SPATA17: variants seen among roughly 807,000 people sequenced by gnomAD.
SPATA17 encodes spermatogenesis-associated protein 17.
In SPATA17, 53 loss-of-function variants were observed where a neutral mutation model predicts 62.2. The observed-to-expected ratio is 0.85, with a 90% CI of 0.68 to 1.07. The LOEUF (loss-of-function observed/expected upper bound fraction) is 1.07. SPATA17 is among the 50% of genes least tolerant of loss of function. SPATA17 has a pLI of 0.00. For synonymous variants in SPATA17, 146 were observed against 146.8 expected, an observed-to-expected ratio of 0.99 and a Z score of 0.04; for missense variants, 466 against 425.5, an observed-to-expected ratio of 1.10 and a Z score of -0.84.
intron 10 of SPATA17, among the ~76,000 whole-genome samples, chr1:217,864,089 T>C: frequency 6.6e-6 from 1 of 152,316 alleles, no homozygotes; most frequent in Middle Eastern, 3.4e-3. Flanking sequence ...AAATATGAAA[T>C]ATTCTGAGCT....
At chr1:217,741,946 A>G (rs1047456351) in intron 5 of SPATA17, 29 bp from the exon 6 acceptor site, 4 of 1,612,746 alleles carry the variant, frequency 2.5e-6, no homozygotes, top group South Asian at 2.2e-5. Flanking sequence ...ACATAGTATC[A>G]TAAATAACTG....
At chr1:217,641,314 A>G (rs956815473) in intron 1 of SPATA17, among the ~76,000 whole-genome samples, 2 of 152,124 alleles carry the variant, frequency 1.3e-5, no homozygotes, top group South Asian at 2.1e-4. Flanking sequence ...ACAAAATTCA[A>G]ACTCTCAATA....
intron 9 of SPATA17, among the ~76,000 whole-genome samples, chr1:217,858,615 C>T (rs754340564): frequency 6.6e-6 from 1 of 152,106 alleles, no homozygotes; most frequent in Admixed American, 6.6e-5. Context: ...TAAAATAAAG[C>T]TGGGCATGGT....
intron 4 of SPATA17, among the ~76,000 whole-genome samples, chr1:217,669,849 G>A (rs1352098425): frequency 1.3e-5 from 2 of 152,072 alleles, no homozygotes; most frequent in African/African-American, 2.4e-5. Context: ...AACCATAGTG[G>A]CTAAGTTAAC....
intron 9 of SPATA17, among the ~76,000 whole-genome samples, chr1:217,837,413 TA>T (rs1466451010): frequency 6.6e-6 from 1 of 152,110 alleles, no homozygotes; most frequent in Non-Finnish European, 1.5e-5. Context: ...ATTAACTCTT[TA>T]ATTGCTGCAC....
chr1:217,786,359 TC>T (rs1313021352), intron 8 of SPATA17, among the ~76,000 whole-genome samples: 1 of 152,130 alleles, frequency 6.6e-6, no homozygotes, highest in East Asian at 1.9e-4. Flanking sequence ...CTGAGTTGGA[TC>T]CTGCAAAAGA....
At chr1:217,788,280 T>C (rs1673914147) in intron 8 of SPATA17, among the ~76,000 whole-genome samples, 1 of 152,198 alleles carries the variant, frequency 6.6e-6, no homozygotes, top group East Asian at 1.9e-4. Flanking sequence ...ACTATAATTA[T>C]ATCCAAAATA....
At chr1:217,806,900 C>T (rs757192401) in intron 9 of SPATA17, among the ~76,000 whole-genome samples, 2 of 152,050 alleles carry the variant, frequency 1.3e-5, no homozygotes, top group Non-Finnish European at 2.9e-5. Context: ...AAAATTCAGG[C>T]TATACCATGT....
At chr1:217,729,818 A>T (rs73095367) in intron 5 of SPATA17, among the ~76,000 whole-genome samples, 2,489 of 152,306 alleles carry the variant, frequency 0.016, 54 homozygotes, top group African/African-American at 0.051. Context: ...CACATGCTAT[A>T]TTTTAACAAG....
rs1676113490 is a variant in SPATA17 at position 217,870,747 on chromosome 1, A to T, written c.*3728A>T. 2 of 152,170 alleles carry T rather than the reference A, an allele frequency of 1.3e-5. No homozygotes were observed. The highest frequency in any genetic ancestry group is 6.6e-5 in the Admixed American group (1 of 15,266). 9.4% of individuals were successfully genotyped at this position (152,170 alleles called of 1,614,324 possible). On this transcript the variant is annotated 3_prime_UTR_variant, in exon 11 of 11. Transcript: ENST00000366933. ...AGAGCCTTCAGAATTAGACGCTTCA[A>T]TTCTTCTGAAATCAAAAGTCACACC... is the stretch of plus-strand genomic sequence containing the variant.
intron 9 of SPATA17, among the ~76,000 whole-genome samples, chr1:217,832,844 G>A (rs1447581197): frequency 2.0e-5 from 3 of 151,960 alleles, no homozygotes; most frequent in African/African-American, 2.4e-5. Flanking sequence ...TTGAGAGGCC[G>A]ACATGGGAGG....
chr1:217,784,603 G>C, intron 8 of SPATA17, among the ~76,000 whole-genome samples: 1 of 152,134 alleles, frequency 6.6e-6, no homozygotes, highest in East Asian at 1.9e-4. Context: ...TACCTTAAAA[G>C]GTTGTAATGA....
chr1:217,688,788 T>C (rs1467764111), intron 5 of SPATA17, among the ~76,000 whole-genome samples: 1 of 152,192 alleles, frequency 6.6e-6, no homozygotes, highest in Non-Finnish European at 1.5e-5. Flanking sequence ...CTTATGGTAT[T>C]ATAATTACTT....
At chr1:217,802,035 T>G (rs1424512570) in intron 9 of SPATA17, among the ~76,000 whole-genome samples, 185 bp downstream of exon 9, 2 of 152,076 alleles carry the variant, frequency 1.3e-5, no homozygotes, top group African/African-American at 4.8e-5. Flanking sequence ...AGTATTGTAT[T>G]CTTAAGTTTT....
intron 9 of SPATA17, among the ~76,000 whole-genome samples, chr1:217,854,246 A>G (rs1397520289): frequency 2.0e-5 from 3 of 152,128 alleles, no homozygotes; most frequent in Non-Finnish European, 4.4e-5. Context: ...AATCTTGTCT[A>G]CCTATTAAGT....
At chr1:217,640,390 T>A (rs1046258934) in intron 1 of SPATA17, among the ~76,000 whole-genome samples, 1 of 151,096 alleles carries the variant, frequency 6.6e-6, no homozygotes, top group African/African-American at 2.5e-5. Context: ...ACTTAACAAG[T>A]TCGCAGGATG....
chr1:217,701,691 C>T (rs1433883513), intron 5 of SPATA17, among the ~76,000 whole-genome samples: 1 of 152,026 alleles, frequency 6.6e-6, no homozygotes, highest in Non-Finnish European at 1.5e-5. Context: ...CTGGCCTATA[C>T]TATTTTTATT....
At chr1:217,793,467 G>A (rs541971950) in intron 8 of SPATA17, among the ~76,000 whole-genome samples, 2 of 151,942 alleles carry the variant, frequency 1.3e-5, no homozygotes, top group Non-Finnish European at 2.9e-5. Context: ...TGATCCGCCC[G>A]CCTCGGCCTC....
intron 4 of SPATA17, among the ~76,000 whole-genome samples, chr1:217,680,955 A>G (rs1279378143): frequency 2.3e-5 from 3 of 128,108 alleles, no homozygotes; most frequent in Non-Finnish European, 3.3e-5. Context: ...AAGGCTGGGC[A>G]CGGTGGCTCA....
Sources: gnomAD v4.1 joint callset for allele counts (sites outside exome capture counted in the v4.1 genomes callset) on GRCh38, gnomAD v4.1.1 for gene constraint, MANE v1.5 for transcripts, NCBI Gene and HGNC (gene_info 2026-07-23, HGNC 2026-07-21) for gene names.